The following ZFAND3 variants were observed in gnomAD, a reference collection of about 807,000 sequenced individuals.
ZFAND3 encodes the protein zinc finger AN1-type containing 3.
In ZFAND3, 10 loss-of-function variants were observed where a neutral mutation model predicts 29.6. That is an observed-to-expected ratio of 0.34 (90% CI 0.21 to 0.57). The LOEUF is 0.57. Ranked by LOEUF, ZFAND3 falls within the 20% of genes least tolerant of loss-of-function variation. The pLI, the probability that ZFAND3 is intolerant of heterozygous loss-of-function variation, is 0.86. For synonymous variants in ZFAND3, 128 were observed against 112.6 expected (o/e 1.14, Z -0.87); for missense variants, 230 against 304.5 (o/e 0.76, Z 1.82).
intron 2 of ZFAND3, among the ~76,000 whole-genome samples, chr6:38,002,078 G>A (rs146567706): frequency 4.6e-5 from 7 of 152,096 alleles, no homozygotes; most frequent in African/African-American, 1.4e-4. Flanking sequence ...TCAATAAAAC[G>A]GCTGAATTAT....
chr6:37,937,483 C>T lies in ZFAND3; in HGVS notation c.112+7484C>T, dbSNP rs150090201. Among the ~76,000 whole-genome samples the T allele has an allele frequency of 5.7e-3, 869 of 151,856 alleles. 8 individuals are homozygous for T. Among genetic ancestry groups the T allele is most frequent in the African/African-American group, 0.02 (830 of 41,404 alleles). On this transcript the variant is annotated intron_variant, in intron 2 of 5. Coordinates refer to ENST00000287218, the MANE Select transcript of ZFAND3 (RefSeq NM_021943.3). The stretch of plus-strand genomic sequence containing the variant: ...CAACCTGGCCAACATGGTGAAACCC[C>T]GTCTCTACTAAAAATACAAAAATTA...
At chr6:38,043,190 C>CGTCTT (rs908476711) in intron 2 of ZFAND3, among the ~76,000 whole-genome samples, 10 of 152,030 alleles carry the variant, frequency 6.6e-5, no homozygotes, top group African/African-American at 1.9e-4. Context: ...TCTCTCATCT[C>CGTCTT]GTCTTGTCTT....
intron 2 of ZFAND3, among the ~76,000 whole-genome samples, chr6:37,957,339 CT>C (rs1762101990): frequency 6.7e-6 from 1 of 149,804 alleles, no homozygotes; most frequent in Non-Finnish European, 1.5e-5. Context: ...AATTCCAAGA[CT>C]CTTTTTGTTG....
Position 37,975,291 on chromosome 6 carries a change from T to C in ZFAND3, c.112+45292T>C, listed in dbSNP as rs536235978. 5.3e-5 allele frequency among the ~76,000 whole-genome samples: 8 copies of C among 152,326 alleles called. No homozygotes were observed. The South Asian group carries it at 1.4e-3, about 28-fold the overall frequency. ...TCCATGTATCTTCTTTGTTCAACCG[T>C]TGAAATTTTTTTGCCTATTTTTAAA... On this transcript the variant is annotated intron_variant, in intron 2 of 5. Coordinates refer to ENST00000287218, the MANE Select transcript of ZFAND3 (RefSeq NM_021943.3).
At chr6:38,097,042 A>G (rs1581914472) in intron 4 of ZFAND3, among the ~76,000 whole-genome samples, 1 of 152,062 alleles carries the variant, frequency 6.6e-6, no homozygotes, top group East Asian at 1.9e-4. Context: ...TTTTCTGTTG[A>G]CTTTTAAGAA....
At chr6:38,058,007 C>T (rs965643733) in intron 2 of ZFAND3, among the ~76,000 whole-genome samples, 1 of 152,188 alleles carries the variant, frequency 6.6e-6, no homozygotes, top group Admixed American at 6.5e-5. Context: ...TACACTGTGT[C>T]AACTGCTGAT....
intron 4 of ZFAND3, among the ~76,000 whole-genome samples, chr6:38,091,551 A>G (rs1253315184): frequency 1.5e-5 from 2 of 132,272 alleles, no homozygotes; most frequent in South Asian, 2.3e-4. Context: ...GCTCCATAGC[A>G]TGTGTGTGCC....
At chr6:37,835,768 C>T (rs138237089) in intron 1 of ZFAND3, among the ~76,000 whole-genome samples, 12 of 152,064 alleles carry the variant, frequency 7.9e-5, no homozygotes, top group African/African-American at 1.7e-4. Flanking sequence ...AAATAGCATA[C>T]GACACACTAT....
intron 2 of ZFAND3, among the ~76,000 whole-genome samples, chr6:37,940,265 GT>G (rs1761788943): frequency 6.6e-6 from 1 of 152,180 alleles, no homozygotes; most frequent in Non-Finnish European, 1.5e-5. Flanking sequence ...GATACTTAGC[GT>G]AATTCTTGTT....
At chr6:38,056,436 T>C (rs1047050965) in intron 2 of ZFAND3, among the ~76,000 whole-genome samples, 24 of 152,224 alleles carry the variant, frequency 1.6e-4, no homozygotes, top group Admixed American at 1.6e-3. Flanking sequence ...ATTGTAATAA[T>C]CTAGAAGTGG....
chr6:37,923,102 A>G (rs778218141), intron 1 of ZFAND3, among the ~76,000 whole-genome samples: 5 of 152,192 alleles, frequency 3.3e-5, no homozygotes, highest in African/African-American at 7.2e-5. Flanking sequence ...TTTTCATTAT[A>G]TCCTTATTCT....
intron 5 of ZFAND3, among the ~76,000 whole-genome samples, chr6:38,149,536 G>A (rs1462080196): frequency 6.6e-6 from 1 of 151,962 alleles, no homozygotes; most frequent in African/African-American, 2.4e-5. Context: ...CTGTGATAGA[G>A]GGTAGAGGGA....
At chr6:38,144,184 A>AATAT (rs1554183921) in intron 5 of ZFAND3, among the ~76,000 whole-genome samples, 3,793 of 42,130 alleles carry the variant, frequency 0.09, 133 homozygotes, top group Admixed American at 0.16. Context: ...ATATATATAT[A>AATAT]ATATATATAT....
At chr6:38,051,328 G>T (rs999216064) in intron 2 of ZFAND3, among the ~76,000 whole-genome samples, 1 of 152,192 alleles carries the variant, frequency 6.6e-6, no homozygotes, top group African/African-American at 2.4e-5. Flanking sequence ...ATCTAAAAAG[G>T]GGGGTGCTAA....
At chr6:38,045,208 C>T (rs1763878345) in intron 2 of ZFAND3, among the ~76,000 whole-genome samples, 2 of 151,822 alleles carry the variant, frequency 1.3e-5, no homozygotes, top group Non-Finnish European at 2.9e-5. Flanking sequence ...CTGCTTCAGC[C>T]TCCCAAGTAC....
intron 1 of ZFAND3, among the ~76,000 whole-genome samples, chr6:37,925,369 T>C (rs1307781125): frequency 6.6e-6 from 1 of 152,138 alleles, no homozygotes; most frequent in Admixed American, 6.6e-5. Context: ...TGCATCTTGC[T>C]GAGTGTTGTA....
At position 37,995,540 on chromosome 6, in the gene ZFAND3, G is replaced by GA. The variant is rs36078274; in HGVS notation, c.112+65545dup. Reference sequence around the variant, plus strand: ...TCATTATTTCTTCACCATGTTGTTGGAAAATTTAATTTTGCAGTGGGAATA... The same window carrying GA: ...TCATTATTTCTTCACCATGTTGTTGGAAAAATTTAATTTTGCAGTGGGAATA... On this transcript the variant is annotated intron_variant, in intron 2 of 5. Coordinates refer to ENST00000287218, the MANE Select transcript of ZFAND3 (RefSeq NM_021943.3). Among the ~76,000 whole-genome samples, 2,588 of 152,152 alleles carry GA rather than the reference G, an allele frequency of 0.017. 255 individuals are homozygous for GA. In the East Asian group the frequency reaches 0.28, roughly 16 times the overall value.
intron 1 of ZFAND3, among the ~76,000 whole-genome samples, chr6:37,929,523 TGAG>T (rs1761552988): frequency 1.3e-5 from 2 of 152,206 alleles, no homozygotes; most frequent in African/African-American, 4.8e-5. Flanking sequence ...ACTGTGTATA[TGAG>T]GAGAAAGTTT....
chr6:38,117,233 G>T (rs905170820), intron 5 of ZFAND3, among the ~76,000 whole-genome samples: 7 of 140,150 alleles, frequency 5.0e-5, no homozygotes, highest in African/African-American at 1.8e-4. Flanking sequence ...AGTTCATCTA[G>T]TCAGTTAATA....
Sources: allele counts gnomAD v4.1 joint callset (sites outside exome capture counted in the v4.1 genomes callset), GRCh38; gene constraint gnomAD v4.1.1; transcripts MANE v1.5; gene names NCBI Gene and HGNC (gene_info 2026-07-23, HGNC 2026-07-21).